Variants in SIPA1L3 observed in about 807,000 individuals in gnomAD.
The protein encoded by SIPA1L3 is signal-induced proliferation-associated 1-like protein 3.
In SIPA1L3, 59 loss-of-function variants were observed where a neutral mutation model predicts 150.1. That is an observed-to-expected ratio of 0.39 (90% CI 0.32 to 0.49). The LOEUF (loss-of-function observed/expected upper bound fraction) is 0.49. Among genes scored for constraint, SIPA1L3 ranks in the 20% least tolerant of loss-of-function variants. The probability of loss-of-function intolerance (pLI) is 0.86; values close to 1 mark genes in which losing one functional copy is unlikely to be tolerated. For synonymous variants in SIPA1L3, 1,070 were observed against 1,077.6 expected (o/e 0.99, Z 0.14); for missense variants, 2,211 against 2,489.5 (o/e 0.89, Z 2.38).
intron 18 of SIPA1L3, among the ~76,000 whole-genome samples, chr19:38,194,567 A>G (rs543034648): frequency 1.4e-3 from 218 of 152,224 alleles, no homozygotes; most frequent in African/African-American, 4.9e-3. Context: ...TACATAATAC[A>G]CAGCATCTGC....
rs1379069785 is a variant in SIPA1L3, at chr19:38,141,195, A to G, written c.3155A>G (p.Glu1052Gly). ...GTTTTTCTCCCCAGGGGTTGGCCGG[A>G]GACCTACGACATGAATACCTCGGAG... ...EDGTPRRGWPETYDMNTSEPK... is the reference protein window; with the variant it reads ...EDGTPRRGWPGTYDMNTSEPK... The change falls in exon 11 of 22, where the codon GAG becomes GGG. Residue 1052 changes from glutamate (E) to glycine (G), a missense_variant. Coordinates refer to ENST00000222345, the MANE Select transcript of SIPA1L3 (RefSeq NM_015073.3). 6.3e-7 allele frequency: 1 copy of G among 1,594,478 alleles called. No homozygotes were observed. Among genetic ancestry groups the G allele is most frequent in the Non-Finnish European group, 8.6e-7 (1 of 1,168,726 alleles).
At chr19:38,143,350 C>G (rs8100128) in intron 12 of SIPA1L3, among the ~76,000 whole-genome samples, 100,468 of 151,754 alleles carry the variant, frequency 0.66, 34,888 homozygotes, top group African/African-American at 0.88. Flanking sequence ...TGAGCTGTGG[C>G]CCTCATCCTG....
At chr19:38,204,290 C>T (rs1028681033) in intron 21 of SIPA1L3, 82 bp downstream of exon 21, 18 of 1,184,636 alleles carry the variant, frequency 1.5e-5, no homozygotes, top group East Asian at 5.1e-5. Context: ...CACCTGCCCC[C>T]GCCATGCAGG....
intron 2 of SIPA1L3, among the ~76,000 whole-genome samples, chr19:38,067,992 T>G (rs2145793569): frequency 6.6e-6 from 1 of 151,564 alleles, no homozygotes; most frequent in Middle Eastern, 3.4e-3. Flanking sequence ...CCAGTAAGGT[T>G]GGGGAAGACA....
At chr19:38,112,518 C>T (rs1380243041) in intron 8 of SIPA1L3, among the ~76,000 whole-genome samples, 1 of 152,172 alleles carries the variant, frequency 6.6e-6, no homozygotes, top group African/African-American at 2.4e-5. Flanking sequence ...TTTCTTCTCT[C>T]TCACACACAA....
chr19:37,960,273 G>T (rs934232081), intron 1 of SIPA1L3, among the ~76,000 whole-genome samples: 28 of 152,216 alleles, frequency 1.8e-4, no homozygotes, highest in Middle Eastern at 3.4e-3. Context: ...TGATTTTGGT[G>T]CAGGGTCTTG....
rs562186095 is a variant in SIPA1L3, at chr19:38,081,727, GGCCACCGCCACC to G, written c.181_192del (p.Ala61_Thr64del). The G allele has an allele frequency of 3.4e-4, 539 of 1,602,810 alleles. No individual in the cohort carries two copies. The highest frequency in any genetic ancestry group is 3.0e-3 in the African/African-American group (224 of 74,860). The stretch of plus-strand genomic sequence containing the variant: ...TGTCCCAGCCTCTTGGCGAGAGCCC[GGCCACCGCCACC>G]GCCACCGCCACCGCCACCACCCGCC... On this transcript the variant is annotated inframe_deletion, in exon 3 of 22. Coordinates refer to ENST00000222345, the MANE Select transcript of SIPA1L3 (RefSeq NM_015073.3).
chr19:38,003,675 T>A (rs909195668), intron 1 of SIPA1L3, among the ~76,000 whole-genome samples: 9 of 152,168 alleles, frequency 5.9e-5, no homozygotes, highest in African/African-American at 2.2e-4. Context: ...CCCAGGAGCC[T>A]CCTCCCGAGA....
chr19:38,175,905 TC>T (rs1487042613), intron 15 of SIPA1L3, among the ~76,000 whole-genome samples: 2 of 151,982 alleles, frequency 1.3e-5, no homozygotes, highest in African/African-American at 2.4e-5. Context: ...ACACTGGCGC[TC>T]CAGAAAGAAA....
chr19:37,960,093 A>G (rs759817622), intron 1 of SIPA1L3, among the ~76,000 whole-genome samples: 15 of 152,174 alleles, frequency 9.9e-5, no homozygotes, highest in Non-Finnish European at 1.6e-4. Context: ...ATATTTGCCC[A>G]TGTATTTACC....
At chr19:38,133,874 G>C (rs970354765) in intron 10 of SIPA1L3, among the ~76,000 whole-genome samples, 1 of 152,196 alleles carries the variant, frequency 6.6e-6, no homozygotes, top group Non-Finnish European at 1.5e-5. Context: ...ATTTGTGACT[G>C]TGGAGTGCTG....
chr19:38,161,026 A>G (rs1972071273), intron 13 of SIPA1L3, among the ~76,000 whole-genome samples: 1 of 152,154 alleles, frequency 6.6e-6, no homozygotes, highest in African/African-American at 2.4e-5. Context: ...GACAGTGTTT[A>G]TTATTATTCC....
chr19:38,008,581 T>G (rs1042461484), intron 1 of SIPA1L3, among the ~76,000 whole-genome samples: 1 of 151,912 alleles, frequency 6.6e-6, no homozygotes, highest in Non-Finnish European at 1.5e-5. Flanking sequence ...TCCTTTTCCT[T>G]TCTTTTTTTT....
intron 1 of SIPA1L3, among the ~76,000 whole-genome samples, chr19:37,939,399 CAAAAAAAAAA>C (rs753230257): frequency 1.4e-5 from 1 of 69,216 alleles, no homozygotes; most frequent in Non-Finnish European, 2.7e-5. Context: ...GACTCCATGT[CAAAAAAAAAA>C]AAAAAAAAAA....
chr19:38,081,407 G>A lies in SIPA1L3; in HGVS notation c.-159G>A, dbSNP rs1225995122. On this transcript the variant is annotated 5_prime_UTR_variant, in exon 3 of 22. Transcript: ENST00000222345. ...CTCAGCTGTGCACAGCGATGGTGGAGAACTGGACTCCACAGGCTCACAACC... is the reference window on the plus strand; with the variant it reads ...CTCAGCTGTGCACAGCGATGGTGGAAAACTGGACTCCACAGGCTCACAACC... The A allele has an allele frequency of 2.0e-5, 13 of 665,290 alleles. No homozygotes were observed. Among genetic ancestry groups the A allele is most frequent in the South Asian group, 9.9e-5 (5 of 50,348 alleles). 41.2% of individuals were successfully genotyped at this position (665,290 alleles called of 1,614,324 possible). A position where few individuals can be genotyped will look rare whatever the true frequency, so the allele number is the denominator to read the frequency against.
chr19:38,106,427 G>A lies in SIPA1L3; in HGVS notation c.2030-110G>A, dbSNP rs779147297. The A allele has an allele frequency of 7.6e-6, 6 of 786,662 alleles. No homozygotes were observed. The African/African-American group carries it at 8.5e-5, about 11-fold the overall frequency. 48.7% of individuals were successfully genotyped at this position (786,662 alleles called of 1,614,324 possible). A position where few individuals can be genotyped will look rare whatever the true frequency, so the allele number is the denominator to read the frequency against. On this transcript the variant is annotated intron_variant, in intron 6 of 21. Coordinates refer to ENST00000222345, the MANE Select transcript of SIPA1L3 (RefSeq NM_015073.3). ...TGGCCAGTGTATTTAATTTTTAAGAGTAGATTGAAGTGAAAGCACCAAGTT... is the reference window on the plus strand; with the variant it reads ...TGGCCAGTGTATTTAATTTTTAAGAATAGATTGAAGTGAAAGCACCAAGTT...
intron 1 of SIPA1L3, among the ~76,000 whole-genome samples, chr19:38,023,391 T>C (rs573579393): frequency 6.6e-6 from 1 of 152,292 alleles, no homozygotes; most frequent in Admixed American, 6.5e-5. Context: ...TAATAGAATA[T>C]AGGTCATAAG....
chr19:38,002,242 T>A (rs1424777787), intron 1 of SIPA1L3, among the ~76,000 whole-genome samples: 1 of 152,202 alleles, frequency 6.6e-6, no homozygotes, highest in Non-Finnish European at 1.5e-5. Flanking sequence ...TTCTATTTTC[T>A]GTCTCTATGA....
At chr19:38,099,425 G>T (rs1291955141) in intron 4 of SIPA1L3, among the ~76,000 whole-genome samples, 1 of 151,760 alleles carries the variant, frequency 6.6e-6, no homozygotes, top group African/African-American at 2.4e-5. Flanking sequence ...GCAGGTGGGT[G>T]TTTTACTTGA....
Sources: allele counts gnomAD v4.1 joint callset (sites outside exome capture counted in the v4.1 genomes callset), GRCh38; gene constraint gnomAD v4.1.1; transcripts MANE v1.5; gene names NCBI Gene and HGNC (gene_info 2026-07-23, HGNC 2026-07-21).